Variants in STX2 observed in about 807,000 individuals in gnomAD.
The protein encoded by STX2 is syntaxin-2.
Under a neutral mutation model 40.6 loss-of-function variants are expected in STX2, and 27 were observed. The ratio of observed to expected loss-of-function variants is 0.66; its 90% CI spans 0.49 to 0.92. The LOEUF (loss-of-function observed/expected upper bound fraction) is 0.92. STX2 is among the 40% of genes least tolerant of loss of function. The pLI, the probability that STX2 is intolerant of heterozygous loss-of-function variation, is 0.00. For synonymous variants in STX2, 123 were observed against 119.1 expected, an observed-to-expected ratio of 1.03 and a Z score of -0.22; for missense variants, 328 against 366.1, an observed-to-expected ratio of 0.90 and a Z score of 0.85.
chr12:130,816,973 G>A (rs1951881968), intron 3 of STX2, among the ~76,000 whole-genome samples: 1 of 152,178 alleles, frequency 6.6e-6, no homozygotes, highest in African/African-American at 2.4e-5. Flanking sequence ...AATTGCTGGT[G>A]CTTCTAGCCA....
At chr12:130,811,536 C>CTTTTTTTTT (rs71088788) in intron 4 of STX2, among the ~76,000 whole-genome samples, 2 of 95,558 alleles carry the variant, frequency 2.1e-5, no homozygotes, top group African/African-American at 4.3e-5. Flanking sequence ...CCATTAACAT[C>CTTTTTTTTT]TTTTTTTTTT....
intron 2 of STX2, among the ~76,000 whole-genome samples, chr12:130,825,773 G>T (rs1230302723): frequency 6.6e-6 from 1 of 152,208 alleles, no homozygotes; most frequent in Non-Finnish European, 1.5e-5. Context: ...TAGGCCAGAT[G>T]AGGCTGCTGA....
chr12:130,808,298 C>T (rs1025487331), intron 5 of STX2, among the ~76,000 whole-genome samples: 2 of 152,124 alleles, frequency 1.3e-5, no homozygotes, highest in African/African-American at 4.8e-5. Flanking sequence ...CTGCCTACCC[C>T]CACTTTTTCT....
chr12:130,813,400 A>C (rs1261597624), intron 3 of STX2, among the ~76,000 whole-genome samples: 1 of 152,196 alleles, frequency 6.6e-6, no homozygotes, highest in African/African-American at 2.4e-5. Flanking sequence ...TAACACCTAG[A>C]CCTGGGAAAG....
At chr12:130,807,911 G>A (rs533390689) in intron 5 of STX2, among the ~76,000 whole-genome samples, 54 of 152,214 alleles carry the variant, frequency 3.5e-4, no homozygotes, top group African/African-American at 8.2e-4. Flanking sequence ...ACAGAAGGCC[G>A]CACATCGCCC....
Position 130,801,136 on chromosome 12 carries a change from CA to C in STX2, c.675+16del. ...TGACTGATATCTCTCTTGGAGAATG[CA>C]AGAGTCTGTAACTACCTGAGTCTCC... On this transcript the variant is annotated intron_variant, in intron 8 of 10. Coordinates refer to ENST00000392373, the MANE Select transcript of STX2 (RefSeq NM_194356.4). The C allele has an allele frequency of 6.2e-7, 1 of 1,601,298 alleles. No individual in the cohort carries two copies. The highest frequency in any genetic ancestry group is 8.5e-7 in the Non-Finnish European group (1 of 1,171,100).
chr12:130,800,795 G>A (rs1028512179), intron 8 of STX2, among the ~76,000 whole-genome samples: 1 of 152,206 alleles, frequency 6.6e-6, no homozygotes, highest in Non-Finnish European at 1.5e-5. Context: ...TCATACATAT[G>A]TACGGGCATA....
chr12:130,838,177 A>G (rs1405487536), intron 1 of STX2, among the ~76,000 whole-genome samples: 1 of 152,222 alleles, frequency 6.6e-6, no homozygotes, highest in African/African-American at 2.4e-5. Context: ...CGTAGCATGA[A>G]TTAGTACCTG....
intron 5 of STX2, among the ~76,000 whole-genome samples, chr12:130,807,415 G>A (rs980425159): frequency 6.6e-6 from 1 of 150,778 alleles, no homozygotes; most frequent in South Asian, 2.1e-4. Flanking sequence ...CCCAGAGCCC[G>A]CGTGCTTCAT....
At chr12:130,837,700 T>C (rs1176149446) in intron 1 of STX2, among the ~76,000 whole-genome samples, 1 of 152,220 alleles carries the variant, frequency 6.6e-6, no homozygotes, top group Non-Finnish European at 1.5e-5. Flanking sequence ...CTGCTGGGAT[T>C]ACAGGAGTGA....
At chr12:130,835,033 A>T (rs1007178957) in intron 1 of STX2, among the ~76,000 whole-genome samples, 2 of 152,264 alleles carry the variant, frequency 1.3e-5, no homozygotes, top group African/African-American at 4.8e-5. Flanking sequence ...TCACGCCTGA[A>T]ATCCCAGCAC....
chr12:130,806,929 A>C, intron 6 of STX2, 53 bp downstream of exon 6: 1 of 1,491,750 alleles, frequency 6.7e-7, no homozygotes, highest in Non-Finnish European at 9.3e-7. Context: ...TTGAAGTGAG[A>C]CCTTAAGGGA....
chr12:130,803,339 A>C lies in STX2; in HGVS notation c.464-1851T>G, dbSNP rs150313184. ...AACACAGCAAGACCCTATCTCTACA[A>C]AAAATAAAATAAAACTTAAAAATCT... On this transcript the variant is annotated intron_variant, in intron 6 of 10. Transcript: ENST00000392373. Among the ~76,000 whole-genome samples, 1,255 of 152,338 alleles carry C rather than the reference A, an allele frequency of 8.2e-3. 57 individuals are homozygous for C. Among genetic ancestry groups the C allele is most frequent in the Admixed American group, 0.071 (1,086 of 15,306 alleles).
chr12:130,816,563 G>A (rs1951867208), intron 3 of STX2, among the ~76,000 whole-genome samples: 1 of 152,156 alleles, frequency 6.6e-6, no homozygotes, highest in Admixed American at 6.5e-5. Context: ...CTCTTCCAGC[G>A]GCCTAGGTGA....
chr12:130,811,341 G>C (rs1343501719), intron 4 of STX2, among the ~76,000 whole-genome samples: 1 of 135,742 alleles, frequency 7.4e-6, no homozygotes, highest in Non-Finnish European at 1.6e-5. Context: ...CTGGGTGACA[G>C]AGTGAGACTC....
At chr12:130,820,629 G>A in intron 3 of STX2, among the ~76,000 whole-genome samples, 1 of 152,026 alleles carries the variant, frequency 6.6e-6, no homozygotes, top group East Asian at 1.9e-4. Context: ...CTGTGCCACT[G>A]CACTCCAGCC....
chr12:130,834,149 C>T (rs1041675143), intron 1 of STX2, among the ~76,000 whole-genome samples: 11 of 151,916 alleles, frequency 7.2e-5, no homozygotes, highest in Non-Finnish European at 1.3e-4. Flanking sequence ...TTTGGGAGGC[C>T]GAGGCGGGTG....
chr12:130,804,558 C>T (rs1334710543), intron 6 of STX2, among the ~76,000 whole-genome samples: 1 of 151,980 alleles, frequency 6.6e-6, no homozygotes, highest in Non-Finnish European at 1.5e-5. Context: ...ATAAAGAACA[C>T]TTTCTGAGGG....
At chr12:130,797,158 C>G (rs1480315878) in intron 9 of STX2, among the ~76,000 whole-genome samples, 5 of 152,326 alleles carry the variant, frequency 3.3e-5, no homozygotes, top group African/African-American at 9.6e-5. Context: ...CTTGCTCATC[C>G]ACAGAGGAGA....
Sources: allele counts gnomAD v4.1 joint callset (sites outside exome capture counted in the v4.1 genomes callset), GRCh38; gene constraint gnomAD v4.1.1; transcripts MANE v1.5; gene names NCBI Gene and HGNC (gene_info 2026-07-23, HGNC 2026-07-21).